Variants in PLD5 observed in about 807,000 individuals in gnomAD.
The protein encoded by PLD5 is inactive phospholipase D5.
A neutral mutation model predicts 61.1 loss-of-function variants in PLD5; 36 were observed. The observed-to-expected ratio is 0.59, with a 90% CI of 0.45 to 0.78. PLD5 has a LOEUF of 0.78. Ranked by LOEUF, PLD5 falls within the 30% of genes least tolerant of loss-of-function variation. PLD5 has a pLI of 0.00. For missense variants in PLD5, 515 were observed against 644.4 expected, an observed-to-expected ratio of 0.80 and a Z score of 2.17; for synonymous variants, 243 against 242.8, an observed-to-expected ratio of 1.00 and a Z score of -0.01.
chr1:242,152,077 G>T (rs1418830768), intron 5 of PLD5, among the ~76,000 whole-genome samples: 3 of 151,788 alleles, frequency 2.0e-5, no homozygotes, highest in Admixed American at 2.0e-4. Context: ...TGGTTCAAAA[G>T]TTCAAGACTC....
chr1:242,413,925 C>G (rs1295421105), intron 1 of PLD5, among the ~76,000 whole-genome samples: 1 of 152,106 alleles, frequency 6.6e-6, no homozygotes, highest in African/African-American at 2.4e-5. Flanking sequence ...TGTTAAGGAA[C>G]CAAGATTTTT....
At chr1:242,490,837 G>A (rs541201930) in intron 1 of PLD5, among the ~76,000 whole-genome samples, 2 of 150,472 alleles carry the variant, frequency 1.3e-5, no homozygotes, top group Admixed American at 1.4e-4. Context: ...TAGACCCTGG[G>A]GTTCCGAAAA....
At chr1:242,228,384 A>G (rs1053662283) in intron 4 of PLD5, among the ~76,000 whole-genome samples, 2 of 152,138 alleles carry the variant, frequency 1.3e-5, no homozygotes, top group Non-Finnish European at 2.9e-5. Context: ...ATAGTACCCG[A>G]GGCACCCGCA....
At chr1:242,164,737 C>T (rs6687129) in intron 5 of PLD5, among the ~76,000 whole-genome samples, 51,654 of 152,028 alleles carry the variant, frequency 0.34, 8,990 homozygotes, top group Non-Finnish European at 0.35. Context: ...TTTTGGGAAA[C>T]ACTGCCTAAG....
chr1:242,482,615 C>T (rs1048305249), intron 1 of PLD5, among the ~76,000 whole-genome samples: 1 of 152,152 alleles, frequency 6.6e-6, no homozygotes, highest in Non-Finnish European at 1.5e-5. Flanking sequence ...GAGAATGGAA[C>T]CAAGTTGGAA....
At chr1:242,224,727 C>T (rs1670818180) in intron 4 of PLD5, among the ~76,000 whole-genome samples, 1 of 152,106 alleles carries the variant, frequency 6.6e-6, no homozygotes, top group Non-Finnish European at 1.5e-5. Flanking sequence ...CTTCACATTA[C>T]CAAATAGTTA....
At chr1:242,459,859 G>A (rs531736308) in intron 1 of PLD5, among the ~76,000 whole-genome samples, 66 of 152,206 alleles carry the variant, frequency 4.3e-4, no homozygotes, top group African/African-American at 1.4e-3. Flanking sequence ...CATGGGGGGC[G>A]CCTGTCCATA....
chr1:242,281,150 G>A (rs1345749115), intron 3 of PLD5, among the ~76,000 whole-genome samples: 1 of 152,186 alleles, frequency 6.6e-6, no homozygotes, highest in African/African-American at 2.4e-5. Context: ...GGTTTTAATA[G>A]AAAATGTTAA....
At chr1:242,229,457 ATG>A (rs1485620546) in intron 4 of PLD5, among the ~76,000 whole-genome samples, 1 of 152,158 alleles carries the variant, frequency 6.6e-6, no homozygotes, top group Non-Finnish European at 1.5e-5. Context: ...CCTCACCAAA[ATG>A]TACTACTATT....
intron 1 of PLD5, among the ~76,000 whole-genome samples, chr1:242,504,646 T>C (rs1259438213): frequency 2.0e-5 from 3 of 152,220 alleles, no homozygotes; most frequent in Non-Finnish European, 1.5e-5. Flanking sequence ...AGCTTACATT[T>C]ACTTTGTAGC....
intron 1 of PLD5, among the ~76,000 whole-genome samples, chr1:242,403,040 AC>A (rs1664027437): frequency 2.6e-5 from 4 of 152,066 alleles, no homozygotes; most frequent in Admixed American, 2.6e-4. Flanking sequence ...ACTCAATCAA[AC>A]CTTTTAGCGC....
intron 1 of PLD5, among the ~76,000 whole-genome samples, chr1:242,513,936 C>T (rs954181954): frequency 4.6e-5 from 7 of 152,186 alleles, no homozygotes; most frequent in South Asian, 2.1e-4. Context: ...CTTCTTGCAT[C>T]GGTGCCTCAT....
intron 1 of PLD5, among the ~76,000 whole-genome samples, chr1:242,413,877 A>G (rs933669629): frequency 6.6e-6 from 1 of 152,220 alleles, no homozygotes; most frequent in South Asian, 2.1e-4. Context: ...AGGGCAGAGA[A>G]TAAGTTAGGA....
chr1:242,471,103 G>A (rs1225280744), intron 1 of PLD5, among the ~76,000 whole-genome samples: 1 of 152,176 alleles, frequency 6.6e-6, no homozygotes, highest in East Asian at 1.9e-4. Flanking sequence ...GGCCTGGGCT[G>A]TCTGCCTTTC....
At chr1:242,486,345 C>A (rs541009218) in intron 1 of PLD5, among the ~76,000 whole-genome samples, 1 of 151,946 alleles carries the variant, frequency 6.6e-6, no homozygotes, top group African/African-American at 2.4e-5. Context: ...CCAGAATCTA[C>A]AAGAACTCAA....
At chr1:242,156,066 A>G (rs1329956187) in intron 5 of PLD5, among the ~76,000 whole-genome samples, 1 of 152,138 alleles carries the variant, frequency 6.6e-6, no homozygotes, top group Non-Finnish European at 1.5e-5. Flanking sequence ...TAGGACAGTT[A>G]GCTCTTCTTG....
chr1:242,271,017 A>G (rs1485323647), intron 3 of PLD5, among the ~76,000 whole-genome samples: 1 of 152,138 alleles, frequency 6.6e-6, no homozygotes, highest in African/African-American at 2.4e-5. Context: ...CTAAAACACA[A>G]TATGTGCACT....
At chr1:242,515,274 A>T (rs1325494112) in intron 1 of PLD5, among the ~76,000 whole-genome samples, 1 of 152,066 alleles carries the variant, frequency 6.6e-6, no homozygotes, top group Non-Finnish European at 1.5e-5. Context: ...GTGCAATGGC[A>T]CAATCTTGGC....
intron 3 of PLD5, among the ~76,000 whole-genome samples, chr1:242,279,184 C>A (rs946289290): frequency 5.9e-5 from 9 of 152,230 alleles, no homozygotes; most frequent in African/African-American, 2.2e-4. Context: ...GGAACAATTG[C>A]AATCACAGGA....
Sources: gnomAD v4.1 joint callset for allele counts (sites outside exome capture counted in the v4.1 genomes callset) on GRCh38, gnomAD v4.1.1 for gene constraint, MANE v1.5 for transcripts, NCBI Gene and HGNC (gene_info 2026-07-23, HGNC 2026-07-21) for gene names.